Variants in GALNT5 observed in about 807,000 individuals in gnomAD.
GALNT5 encodes polypeptide N-acetylgalactosaminyltransferase 5, also known as UDP-GalNAc:polypeptide N-acetylgalactosaminyltransferase 5.
Under a neutral mutation model 85.4 loss-of-function variants are expected in GALNT5, and 72 were observed. The ratio of observed to expected loss-of-function variants is 0.84; its 90% CI spans 0.70 to 1.03. The LOEUF (loss-of-function observed/expected upper bound fraction) is 1.03, where lower values mean the gene tolerates loss of function less well. GALNT5 is among the 50% of genes least tolerant of loss of function. GALNT5 has a pLI of 0.00. For missense variants in GALNT5, 1,137 were observed against 1,135.5 expected (o/e 1.00, Z -0.02); for synonymous variants, 404 against 397.0 (o/e 1.02, Z -0.21).
intron 2 of GALNT5, among the ~76,000 whole-genome samples, chr2:157,285,768 C>T (rs1682957487): frequency 6.6e-6 from 1 of 152,284 alleles, no homozygotes. Context: ...GTGCCCTCCA[C>T]TACATCACCT....
At chr2:157,262,441 A>C (rs930446372) in intron 1 of GALNT5, among the ~76,000 whole-genome samples, 3 of 152,230 alleles carry the variant, frequency 2.0e-5, no homozygotes, top group Admixed American at 6.5e-5. Context: ...GTTTGAGATC[A>C]GCCTGGGCAA....
At chr2:157,287,128 T>C (rs894926572) in intron 3 of GALNT5, among the ~76,000 whole-genome samples, 2 of 152,248 alleles carry the variant, frequency 1.3e-5, no homozygotes, top group East Asian at 3.8e-4. Flanking sequence ...GTATTGTTGA[T>C]ACTAACTTTG....
intron 4 of GALNT5, 39 bp downstream of exon 4, chr2:157,295,837 T>C (rs202061721): frequency 2.0e-6 from 3 of 1,506,242 alleles, no homozygotes; most frequent in East Asian, 2.3e-5. Flanking sequence ...TTCAAGCACA[T>C]CTTTAATCAC....
chr2:157,272,263 A>C (rs769160138), intron 1 of GALNT5, among the ~76,000 whole-genome samples: 1 of 152,026 alleles, frequency 6.6e-6, no homozygotes, highest in Non-Finnish European at 1.5e-5. Context: ...AGGGATGACA[A>C]ATTTTCCTGG....
Position 157,315,063 on chromosome 2 carries a change from G to A in GALNT5, c.*3715G>A, listed in dbSNP as rs1157937984. On this transcript the variant is annotated 3_prime_UTR_variant, in exon 10 of 10. Transcript: ENST00000259056. ...ACTGCACTCCAGCCTAGACAACAGA[G>A]CAAGACTCTATCTCAAAAAATAATA... Among the ~76,000 whole-genome samples the A allele has an allele frequency of 6.6e-6, 1 of 151,938 alleles. No individual in the cohort carries two copies. Among genetic ancestry groups the A allele is most frequent in the East Asian group, 1.9e-4 (1 of 5,190 alleles).
intron 9 of GALNT5, among the ~76,000 whole-genome samples, chr2:157,310,106 A>G (rs1683537599): frequency 6.6e-6 from 1 of 152,150 alleles, no homozygotes; most frequent in Admixed American, 6.5e-5. Context: ...CAAGCATAGC[A>G]GTTTCTCTTA....
At position 157,295,536 on chromosome 2, in the gene GALNT5, A is replaced by G. The variant is rs202234509; in HGVS notation, c.1742-127A>G. ...AAATTATAGTGACCACGAATTCAGA[A>G]AAAAAAAAAAAGGTCACTGCATTTA... On this transcript the variant is annotated intron_variant, in intron 3 of 9. Transcript: ENST00000259056. 3.5e-5 allele frequency: 8 copies of G among 227,078 alleles called. No homozygotes were observed. The East Asian group carries it at 4.8e-4, about 14-fold the overall frequency. 14.1% of individuals were successfully genotyped at this position (227,078 alleles called of 1,614,324 possible).
chr2:157,272,599 G>A (rs1574015286), intron 1 of GALNT5, among the ~76,000 whole-genome samples: 1 of 152,194 alleles, frequency 6.6e-6, no homozygotes, highest in Admixed American at 6.5e-5. Context: ...CCAATGCTTA[G>A]CTCCCACCTA....
intron 1 of GALNT5, among the ~76,000 whole-genome samples, chr2:157,262,858 T>C (rs1285302488): frequency 7.4e-6 from 1 of 135,850 alleles, no homozygotes; most frequent in Non-Finnish European, 1.5e-5. Flanking sequence ...AGATGGAGTC[T>C]CGCTCTGTCA....
At chr2:157,304,005 C>G (rs1413293050) in intron 7 of GALNT5, among the ~76,000 whole-genome samples, 1 of 152,170 alleles carries the variant, frequency 6.6e-6, no homozygotes, top group Non-Finnish European at 1.5e-5. Flanking sequence ...CTGTTCGGCT[C>G]TGTGGAAACC....
At chr2:157,291,638 C>CA (rs201589995) in intron 3 of GALNT5, among the ~76,000 whole-genome samples, 7 of 138,964 alleles carry the variant, frequency 5.0e-5, no homozygotes, top group South Asian at 2.5e-4. Flanking sequence ...CACCCACCCC[C>CA]CCCCAGATTT....
chr2:157,308,720 C>T lies in GALNT5; in HGVS notation c.2674C>T (p.Pro892Ser), dbSNP rs143599667. Residue 892 changes from proline to serine, a missense_variant, in exon 9 of 10, where the codon CCA (proline) becomes TCA (serine). Pro to Ser is a moderately conservative substitution (Grantham distance 74). Transcript: ENST00000259056. ...GCATAAATCAACATCAGTCTTTCAT[C>T]CAGAACTGGTAAGCAAAAGATTGGT... ...WLHKSTSVFH[P>S]ELVNHIVFEN... 5.3e-3 allele frequency: 8,488 copies of T among 1,610,336 alleles called. 38 individuals carry two copies. Among genetic ancestry groups the T allele is most frequent in the Middle Eastern group, 9.6e-3 (58 of 6,042 alleles).
At position 157,316,315 on chromosome 2, in the gene GALNT5, G is replaced by A. The variant is rs1683703886; in HGVS notation, c.*4967G>A. 6.6e-6 allele frequency among the ~76,000 whole-genome samples: 1 copy of A among 151,114 alleles called. No individual in the cohort carries two copies. The highest frequency in any genetic ancestry group is 6.6e-5 in the Admixed American group (1 of 15,152). ...TTTGTTAGAAAATAAGTGGCTTGGG[G>A]GCTGCTTTTTATTAAAGGAAAAATC... On this transcript the variant is annotated 3_prime_UTR_variant, in exon 10 of 10. Transcript: ENST00000259056.
At chr2:157,304,240 C>T (rs953812439) in intron 7 of GALNT5, among the ~76,000 whole-genome samples, 5 of 152,126 alleles carry the variant, frequency 3.3e-5, no homozygotes, top group African/African-American at 1.2e-4. Flanking sequence ...CCTTGTGATG[C>T]CCACATTTAC....
chr2:157,302,015 A>G (rs1683353877), intron 7 of GALNT5: 1 of 152,226 alleles, frequency 6.6e-6, no homozygotes. Flanking sequence ...GGGTTTAGAT[A>G]TGATTAGTCA....
intron 1 of GALNT5, among the ~76,000 whole-genome samples, chr2:157,263,049 G>C (rs567844817): frequency 1.3e-4 from 19 of 151,428 alleles, no homozygotes; most frequent in Admixed American, 1.2e-3. Context: ...GGATGGTCTC[G>C]ATCTCCTGAC....
rs1027795799 is a variant in GALNT5 at position 157,318,440 on chromosome 2, T to C, written c.*7092T>C. ...ACCAGAAATCCTTTTTACAATTTTATATACAATCATTTTAAGACCTTTTTG... is the reference window on the plus strand; with the variant it reads ...ACCAGAAATCCTTTTTACAATTTTACATACAATCATTTTAAGACCTTTTTG... On this transcript the variant is annotated 3_prime_UTR_variant, in exon 10 of 10. Transcript: ENST00000259056. Among the ~76,000 whole-genome samples the C allele has an allele frequency of 6.6e-6, 1 of 152,192 alleles. No homozygotes were observed. Among genetic ancestry groups the C allele is most frequent in the Admixed American group, 6.6e-5 (1 of 15,266 alleles).
rs1682274823 is a variant in GALNT5 at position 157,259,132 on chromosome 2, A to T, written c.1050A>T (p.Val350=). ...AAACCAAAACAATATTTCCTAAAGT[A>T]TTGGGTAAAAGCCAAAGTAAACACA... ...NSKTKTIFPK[V]LGKSQSKHIS... is the part of the protein sequence containing the mutation. The change falls in exon 1 of 10, where the codon GTA becomes GTT. Residue 350 remains valine, a synonymous_variant. Transcript: ENST00000259056. 1 of 1,484,960 alleles carries T rather than the reference A, an allele frequency of 6.7e-7. No individual in the cohort carries two copies. The highest frequency in any genetic ancestry group is 1.4e-5 in the African/African-American group (1 of 71,212). The allele number at this position is 1,484,960 out of a possible 1,614,324, so 92.0% of individuals were successfully genotyped here.
chr2:157,290,259 G>C (rs1047956818), intron 3 of GALNT5, among the ~76,000 whole-genome samples: 7 of 151,902 alleles, frequency 4.6e-5, no homozygotes, highest in Non-Finnish European at 1.0e-4. Context: ...TCACCCTGTA[G>C]ACAGCAGGGT....
Sources: gnomAD v4.1 joint callset for allele counts (sites outside exome capture counted in the v4.1 genomes callset) on GRCh38, gnomAD v4.1.1 for gene constraint, MANE v1.5 for transcripts, NCBI Gene and HGNC (gene_info 2026-07-23, HGNC 2026-07-21) for gene names.